The following ASTN2 variants were observed in gnomAD, a reference collection of about 807,000 sequenced individuals.
ASTN2 encodes the protein astrotactin 2.
ASTN2 carries 54 observed loss-of-function variants against 139.8 expected under a neutral mutation model. The ratio of observed to expected loss-of-function variants is 0.39; its 90% CI spans 0.31 to 0.48. The LOEUF (loss-of-function observed/expected upper bound fraction) is 0.48. Among genes scored for constraint, ASTN2 ranks in the 20% least tolerant of loss-of-function variants. ASTN2 has a pLI of 0.95. For synonymous variants in ASTN2, 756 were observed against 719.5 expected, an observed-to-expected ratio of 1.05 and a Z score of -0.81; for missense variants, 1,565 against 1,725.1, an observed-to-expected ratio of 0.91 and a Z score of 1.64.
chr9:117,040,006 G>A, intron 5 of ASTN2, 41 bp from the exon 6 acceptor site: 1 of 1,549,458 alleles, frequency 6.5e-7, no homozygotes, highest in Non-Finnish European at 8.8e-7. Flanking sequence ...AATTCCATGA[G>A]GTGAGGAAAT....
intron 19 of ASTN2, among the ~76,000 whole-genome samples, chr9:116,535,467 T>C (rs1851576268): frequency 6.6e-6 from 1 of 152,214 alleles, no homozygotes; most frequent in South Asian, 2.1e-4. Context: ...CGATGGTCTT[T>C]GCAATTTGGC....
At chr9:116,776,053 A>T (rs1830081570) in intron 13 of ASTN2, among the ~76,000 whole-genome samples, 1 of 152,200 alleles carries the variant, frequency 6.6e-6, no homozygotes. Flanking sequence ...ATTGAGGTCC[A>T]GTCCATGGTC....
At chr9:117,043,948 CAA>C (rs1032870864) in intron 5 of ASTN2, among the ~76,000 whole-genome samples, 4 of 145,774 alleles carry the variant, frequency 2.7e-5, no homozygotes, top group Non-Finnish European at 6.1e-5. Context: ...AAAGAAAAAA[CAA>C]AGAGTCAACA....
intron 13 of ASTN2, among the ~76,000 whole-genome samples, chr9:116,760,596 A>C (rs1829649557): frequency 1.3e-5 from 2 of 152,186 alleles, no homozygotes; most frequent in Non-Finnish European, 2.9e-5. Flanking sequence ...TTTGGGAAGC[A>C]AACCTGGTAG....
At chr9:116,759,489 C>G (rs1829620908) in intron 13 of ASTN2, among the ~76,000 whole-genome samples, 1 of 152,122 alleles carries the variant, frequency 6.6e-6, no homozygotes, top group Admixed American at 6.5e-5. Context: ...TTGCTGCTAC[C>G]AGTGCCTGTT....
intron 5 of ASTN2, among the ~76,000 whole-genome samples, chr9:117,067,335 C>T (rs1303322954): frequency 1.2e-3 from 159 of 138,148 alleles, no homozygotes; most frequent in African/African-American, 3.8e-3. Context: ...GGCATTATTT[C>T]TGAGGGCTCT....
chr9:117,082,386 T>C (rs1828451121), intron 5 of ASTN2, among the ~76,000 whole-genome samples: 1 of 152,158 alleles, frequency 6.6e-6, no homozygotes, highest in Non-Finnish European at 1.5e-5. Flanking sequence ...CATGTTCCTG[T>C]ATCTAAACCT....
rs140809222 is a variant in ASTN2, at chr9:117,267,727, C to T, written c.630+23599G>A. 2.8e-3 allele frequency among the ~76,000 whole-genome samples: 429 copies of T among 152,328 alleles called. 7 individuals are homozygous for T. Among genetic ancestry groups the T allele is most frequent in the African/African-American group, 9.6e-3 (401 of 41,578 alleles). ...AGAGCTGGCTCCTGACTTCAGCTCA[C>T]TCTCTGACTTTGTTGATACCTTTGC... On this transcript the variant is annotated intron_variant, in intron 2 of 22. Coordinates refer to ENST00000313400, the MANE Select transcript of ASTN2 (RefSeq NM_001365068.1).
At chr9:117,112,185 A>G (rs1440055237) in intron 4 of ASTN2, among the ~76,000 whole-genome samples, 1 of 152,080 alleles carries the variant, frequency 6.6e-6, no homozygotes, top group Non-Finnish European at 1.5e-5. Flanking sequence ...AATACTCAAT[A>G]TTGTTAAGAT....
chr9:116,593,542 C>T (rs1854454767), intron 19 of ASTN2, among the ~76,000 whole-genome samples: 2 of 152,178 alleles, frequency 1.3e-5, no homozygotes, highest in Admixed American at 1.3e-4. Context: ...CCAAGTCTGG[C>T]AGAGCCTACT....
intron 19 of ASTN2, among the ~76,000 whole-genome samples, chr9:116,588,660 T>TTAC (rs10683939): frequency 1.3e-5 from 2 of 152,166 alleles, no homozygotes; most frequent in African/African-American, 2.4e-5. Context: ...TAGAATATTA[T>TTAC]GCTGGAACGC....
At chr9:116,555,658 G>A (rs986006943) in intron 19 of ASTN2, among the ~76,000 whole-genome samples, 1 of 152,128 alleles carries the variant, frequency 6.6e-6, no homozygotes, top group Admixed American at 6.5e-5. Context: ...CAGCTCTGGA[G>A]AAGGAAGGAA....
At chr9:116,778,274 A>C (rs1022602665) in intron 13 of ASTN2, among the ~76,000 whole-genome samples, 1 of 152,190 alleles carries the variant, frequency 6.6e-6, no homozygotes, top group African/African-American at 2.4e-5. Context: ...CTGACTCTGG[A>C]ATCCAAAAGT....
chr9:116,615,117 T>G (rs1855771630), intron 19 of ASTN2, among the ~76,000 whole-genome samples: 1 of 152,092 alleles, frequency 6.6e-6, no homozygotes, highest in Non-Finnish European at 1.5e-5. Flanking sequence ...AACAGACACA[T>G]GAAAAAATGC....
chr9:117,281,539 G>A lies in ASTN2; in HGVS notation c.630+9787C>T, dbSNP rs964573581. On this transcript the variant is annotated intron_variant, in intron 2 of 22. Coordinates refer to ENST00000313400, the MANE Select transcript of ASTN2 (RefSeq NM_001365068.1). The stretch of plus-strand genomic sequence containing the variant: ...GCATATGAGAAAGGGAGTAAACAGC[G>A]TGAACCTCACTGCAAATGTGCTCAC... Among the ~76,000 whole-genome samples, 15 of 152,152 alleles carry A rather than the reference G, an allele frequency of 9.9e-5. No individual in the cohort carries two copies. The East Asian group carries it at 2.5e-3, about 25-fold the overall frequency.
At chr9:116,450,711 G>A (rs1401176201) in intron 20 of ASTN2, among the ~76,000 whole-genome samples, 3 of 152,162 alleles carry the variant, frequency 2.0e-5, no homozygotes, top group East Asian at 3.9e-4. Flanking sequence ...GTACCCAAGT[G>A]AGGCTTGAGA....
At chr9:117,362,748 G>GGAATGACT (rs1437647138) in intron 1 of ASTN2, among the ~76,000 whole-genome samples, 6 of 152,154 alleles carry the variant, frequency 3.9e-5, no homozygotes, top group African/African-American at 1.4e-4. Flanking sequence ...CAATCTGGTA[G>GGAATGACT]GAATGACTGG....
chr9:117,134,837 T>TA (rs2132845789), intron 4 of ASTN2, among the ~76,000 whole-genome samples: 2 of 152,294 alleles, frequency 1.3e-5, no homozygotes, highest in East Asian at 3.9e-4. Context: ...AGTTGGCATA[T>TA]ACCACACACA....
At chr9:117,134,321 C>A (rs1219099936) in intron 4 of ASTN2, among the ~76,000 whole-genome samples, 2 of 148,050 alleles carry the variant, frequency 1.4e-5, no homozygotes, top group Non-Finnish European at 3.0e-5. Flanking sequence ...CACACACACA[C>A]ACACACACAC....
Sources: allele counts gnomAD v4.1 joint callset (sites outside exome capture counted in the v4.1 genomes callset), GRCh38; gene constraint gnomAD v4.1.1; transcripts MANE v1.5; gene names NCBI Gene and HGNC (gene_info 2026-07-23, HGNC 2026-07-21).